Variants in PSG6 observed in about 807,000 individuals in gnomAD.
PSG6 encodes the protein pregnancy specific beta-1-glycoprotein 6.
PSG6 carries 51 observed loss-of-function variants against 43.3 expected under a neutral mutation model. That is an observed-to-expected ratio of 1.18 (90% CI 0.94 to 1.49). The LOEUF (loss-of-function observed/expected upper bound fraction) is 1.49. PSG6 is among the 40% of genes most tolerant of loss of function. PSG6 has a pLI of 0.00. For missense variants in PSG6, 770 were observed against 522.2 expected (o/e 1.47, Z -4.62); for synonymous variants, 292 against 197.6 (o/e 1.48, Z -4.01).
At chr19:42,911,831 C>G (rs1186896401) in intron 2 of PSG6, among the ~76,000 whole-genome samples, 2 of 151,584 alleles carry the variant, frequency 1.3e-5, no homozygotes, top group African/African-American at 4.8e-5. Context: ...AGTTTGACTA[C>G]TCTATGTACC....
chr19:42,916,421 T>C lies in PSG6; in HGVS notation c.131A>G (p.Lys44Arg), dbSNP rs1972334123. ...AQVIIEAKPP[K>R]VSEGKDVLLL... Reference sequence around the variant, plus strand: ...AAGAACATCCTTCCCCTCGGAAACTTTGGGTGGCTTGGCTTCAATTATTAC... The same window carrying C: ...AAGAACATCCTTCCCCTCGGAAACTCTGGGTGGCTTGGCTTCAATTATTAC... Residue 44 changes from lysine (K) to arginine (R), a missense_variant, in exon 2 of 6, where the codon AAA (lysine) becomes AGA (arginine). Physicochemically the swap from Lys to Arg is conservative, Grantham distance 26. Transcript: ENST00000187910. 1.9e-6 allele frequency: 3 copies of C among 1,611,808 alleles called. No individual in the cohort carries two copies. Among genetic ancestry groups the C allele is most frequent in the South Asian group, 2.2e-5 (2 of 90,596 alleles).
Position 42,912,963 on chromosome 19 carries a change from T to C in PSG6, c.428-2105A>G, listed in dbSNP as rs780223810. On this transcript the variant is annotated intron_variant, in intron 2 of 5. Transcript: ENST00000187910. Reference sequence around the variant, plus strand: ...TGTAGTTGTCCCACAACTACAAAATTTAAAAATTGCTATTGTCAAAACAAA... The same window carrying C: ...TGTAGTTGTCCCACAACTACAAAATCTAAAAATTGCTATTGTCAAAACAAA... Among the ~76,000 whole-genome samples the C allele has an allele frequency of 3.8e-4, 58 of 151,820 alleles. 2 individuals are homozygous for C. Among genetic ancestry groups the C allele is most frequent in the Non-Finnish European group, 7.9e-4 (54 of 67,928 alleles).
intron 5 of PSG6, among the ~76,000 whole-genome samples, chr19:42,904,861 G>A (rs1174455334): frequency 6.6e-6 from 1 of 151,666 alleles, no homozygotes; most frequent in African/African-American, 2.4e-5. Context: ...GAAGCTGGAG[G>A]ACTCACACTT....
Position 42,916,503 on chromosome 19 carries a change from A to C in PSG6, c.65-16T>G. The C allele has an allele frequency of 6.2e-7, 1 of 1,602,104 alleles. No individual in the cohort carries two copies. The highest frequency in any genetic ancestry group is 8.5e-7 in the Non-Finnish European group (1 of 1,174,202). On this transcript the variant is annotated splice_polypyrimidine_tract_variant and intron_variant, in intron 1 of 5. Transcript: ENST00000187910. ...AAAAGTGATGCTAGGAGGTAGAGAC[A>C]GCATCAGTTAATATTTGGACCTATG...
chr19:42,912,510 G>C (rs563838011), intron 2 of PSG6, among the ~76,000 whole-genome samples: 3 of 151,830 alleles, frequency 2.0e-5, no homozygotes, highest in East Asian at 3.9e-4. Flanking sequence ...TAAGTAGAGA[G>C]AGTCCTGTTA....
chr19:42,905,947 G>C (rs1022209629), intron 5 of PSG6, among the ~76,000 whole-genome samples: 11 of 151,672 alleles, frequency 7.3e-5, no homozygotes, highest in Middle Eastern at 3.4e-3. Flanking sequence ...TGTTTATTGG[G>C]TACAGAGGTT....
intron 5 of PSG6, among the ~76,000 whole-genome samples, chr19:42,902,840 CT>C (rs1972056733): frequency 6.6e-6 from 1 of 151,472 alleles, no homozygotes; most frequent in African/African-American, 2.4e-5. Flanking sequence ...TTGCACTTAG[CT>C]TTTTTTCTTT....
chr19:42,915,520 T>A, intron 2 of PSG6: 1 of 155,912 alleles, frequency 6.4e-6, no homozygotes, highest in African/African-American at 2.4e-5. Flanking sequence ...CTTTCTGTCC[T>A]CTCCACTCTG....
chr19:42,916,914 C>T (rs1972347378), intron 1 of PSG6, among the ~76,000 whole-genome samples: 1 of 151,380 alleles, frequency 6.6e-6, no homozygotes, highest in African/African-American at 2.4e-5. Flanking sequence ...CAACACCTGA[C>T]CTCACATTCT....
Position 42,907,153 on chromosome 19 carries a change from A to T in PSG6, c.1009T>A (p.Tyr337Asn), listed in dbSNP as rs756927737. The change falls in exon 5 of 6, where the codon TAC becomes AAC. Residue 337 changes from tyrosine (Y) to asparagine (N), a missense_variant. By Grantham distance (143) the Tyr-to-Asn change is moderately radical. Transcript: ENST00000187910. Reference protein sequence around the residue: ...VLYGPDLPRIYPSFTYYRSGE... With the variant: ...VLYGPDLPRINPSFTYYRSGE... ...GAACGGTAATAGGTGAATGAAGGGTAAATTCTGGGGAGGTCTGGACCATCT... is the reference window on the plus strand; with the variant it reads ...GAACGGTAATAGGTGAATGAAGGGTTAATTCTGGGGAGGTCTGGACCATCT... The T allele has an allele frequency of 6.2e-7, 1 of 1,612,674 alleles. No homozygotes were observed. The highest frequency in any genetic ancestry group is 8.5e-7 in the Non-Finnish European group (1 of 1,179,204).
intron 3 of PSG6, 54 bp from the exon 4 acceptor site, chr19:42,907,908 C>A (rs543099507): frequency 2.5e-6 from 4 of 1,592,536 alleles, no homozygotes; most frequent in Non-Finnish European, 3.4e-6. Flanking sequence ...CCTCCACAGG[C>A]ATCCTTCATT....
At chr19:42,902,724 C>T (rs1012076012) in intron 5 of PSG6, among the ~76,000 whole-genome samples, 16 of 151,388 alleles carry the variant, frequency 1.1e-4, no homozygotes, top group African/African-American at 3.9e-4. Flanking sequence ...TTCATGCCTG[C>T]CCCACATTCC....
chr19:42,916,915 C>A (rs1489004883), intron 1 of PSG6, among the ~76,000 whole-genome samples: 2 of 151,352 alleles, frequency 1.3e-5, no homozygotes, highest in African/African-American at 4.9e-5. Flanking sequence ...AACACCTGAC[C>A]TCACATTCTA....
chr19:42,917,290 C>A (rs1174999949), intron 1 of PSG6, among the ~76,000 whole-genome samples: 3 of 151,134 alleles, frequency 2.0e-5, no homozygotes, highest in Non-Finnish European at 4.4e-5. Context: ...ACCCCTGTCC[C>A]TCTCTGGTGT....
rs962921347 is a variant in PSG6, at chr19:42,907,510, G to T, written c.985+66C>A. On this transcript the variant is annotated intron_variant, in intron 4 of 5. Coordinates refer to ENST00000187910, the MANE Select transcript of PSG6 (RefSeq NM_001031850.4). ...ACTTGGACCGGAGAGAGACTGAGAG[G>T]CCTGGCCTCTGGTCGTTTGGAGTTA... is the stretch of plus-strand genomic sequence containing the variant. The T allele has an allele frequency of 1.3e-5, 20 of 1,598,614 alleles. 1 individual carries two copies. The highest frequency in any genetic ancestry group is 1.6e-5 in the Non-Finnish European group (19 of 1,172,788).
chr19:42,909,473 G>A (rs1217754555), intron 3 of PSG6, among the ~76,000 whole-genome samples: 2 of 151,382 alleles, frequency 1.3e-5, no homozygotes, highest in Non-Finnish European at 2.9e-5. Context: ...ATTCTGGTAG[G>A]GGTTGCATTG....
chr19:42,907,152 TA>T lies in PSG6; in HGVS notation c.1009del (p.Tyr337ThrfsTer72). On this transcript the variant is annotated frameshift_variant, in exon 5 of 6. Coordinates refer to ENST00000187910, the MANE Select transcript of PSG6 (RefSeq NM_001031850.4). LOFTEE classifies it high-confidence loss of function. ...TGAACGGTAATAGGTGAATGAAGGG[TA>T]AATTCTGGGGAGGTCTGGACCATCT... ...VLYGPDLPRI[Y>X]PSFTYYRSGE... 7 of 1,612,372 alleles carry T rather than the reference TA, an allele frequency of 4.3e-6. No homozygotes were observed. Among genetic ancestry groups the T allele is most frequent in the Non-Finnish European group, 5.9e-6 (7 of 1,179,128 alleles).
intron 3 of PSG6, chr19:42,909,943 T>C (rs2122631791): frequency 6.3e-6 from 1 of 159,074 alleles, no homozygotes; most frequent in Admixed American, 6.1e-5. Flanking sequence ...CTCTTGATTA[T>C]GAGATTTGTT....
Position 42,910,674 on chromosome 19 carries a change from A to T in PSG6, c.612T>A (p.Phe204Leu). Residue 204 changes from phenylalanine (F) to leucine (L), a missense_variant, in exon 3 of 6, where the codon TTT (phenylalanine) becomes TTA (leucine). Physicochemically the swap from Phe to Leu is conservative, Grantham distance 22 (BLOSUM62 0). Coordinates refer to ENST00000187910, the MANE Select transcript of PSG6 (RefSeq NM_001031850.4). Reference protein sequence around the residue: ...LSKTNRTLYLFGVTKYIAGPY... With the variant: ...LSKTNRTLYLLGVTKYIAGPY... Reference sequence around the variant, plus strand: ...GTCCTGCAATATACTTTGTGACACCAAATAGATAGAGGGTCCTGTTGGTTT... The same window carrying T: ...GTCCTGCAATATACTTTGTGACACCTAATAGATAGAGGGTCCTGTTGGTTT... 1 of 1,612,362 alleles carries T rather than the reference A, an allele frequency of 6.2e-7. No homozygotes were observed. Among genetic ancestry groups the T allele is most frequent in the Non-Finnish European group, 8.5e-7 (1 of 1,179,250 alleles).
Sources: gnomAD v4.1 joint callset for allele counts (sites outside exome capture counted in the v4.1 genomes callset) on GRCh38, gnomAD v4.1.1 for gene constraint, MANE v1.5 for transcripts, NCBI Gene and HGNC (gene_info 2026-07-23, HGNC 2026-07-21) for gene names.